GABRR3: variants seen among roughly 807,000 people sequenced by gnomAD.
The protein encoded by GABRR3 is gamma-aminobutyric acid receptor subunit rho-3.
GABRR3 carries 29 observed loss-of-function variants against 43.2 expected under a neutral mutation model. The observed-to-expected ratio is 0.67, with a 90% confidence interval of 0.50 to 0.92. The LOEUF (loss-of-function observed/expected upper bound fraction) is 0.92. Ranked by LOEUF, GABRR3 falls within the 40% of genes least tolerant of loss-of-function variation. The pLI, the probability that GABRR3 is intolerant of heterozygous loss-of-function variation, is 0.00. For synonymous variants in GABRR3, 206 were observed against 195.9 expected, an observed-to-expected ratio of 1.05 and a Z score of -0.43; for missense variants, 576 against 572.3, an observed-to-expected ratio of 1.01 and a Z score of -0.07.
rs1332549894 is a variant in GABRR3, at chr3:98,014,935, AAC to A, written c.307-2370_307-2369del. ...ACACAGAATCTAAATTTTAAATTTT[AAC>A]ACTCTGAAAATCACTATATAAGCTA... On this transcript the variant is annotated intron_variant, in intron 4 of 9. Coordinates refer to ENST00000621172, the Ensembl canonical transcript of GABRR3. Among the ~76,000 whole-genome samples the A allele has an allele frequency of 4.6e-5, 7 of 152,182 alleles. No individual in the cohort carries two copies. In the South Asian group the frequency reaches 8.3e-4, roughly 18 times the overall value.
chr3:97,999,405 G>A (rs1559775089), intron 8 of GABRR3: 1 of 152,134 alleles, frequency 6.6e-6, no homozygotes, highest in Non-Finnish European at 1.5e-5. Flanking sequence ...GAAAGACTCG[G>A]TTCTAAACAG....
In GABRR3 at chr3:97,993,064, A is replaced by G. The variant is rs376493639; in HGVS notation, c.908-16T>C. 31 of 1,574,772 alleles carry G rather than the reference A, an allele frequency of 2.0e-5. No individual in the cohort carries two copies. The African/African-American group carries it at 3.8e-4, about 19-fold the overall frequency. ...GTGGTGATTCCTGCCATTTGAGAATAGTGGCAAGCTCAGTGATATAGCCAT... is the reference window on the plus strand; with the variant it reads ...GTGGTGATTCCTGCCATTTGAGAATGGTGGCAAGCTCAGTGATATAGCCAT... On this transcript the variant is annotated splice_polypyrimidine_tract_variant and intron_variant, in intron 8 of 9. Coordinates refer to ENST00000621172, the Ensembl canonical transcript of GABRR3.
chr3:97,988,824 T>G (rs919174585), intron 9 of GABRR3, among the ~76,000 whole-genome samples: 6 of 148,644 alleles, frequency 4.0e-5, no homozygotes, highest in African/African-American at 1.5e-4. Context: ...TGGCGGTAAG[T>G]GGTGGTGGTG....
intron 4 of GABRR3, among the ~76,000 whole-genome samples, chr3:98,013,499 A>C (rs983192390): frequency 6.6e-6 from 1 of 152,122 alleles, no homozygotes; most frequent in African/African-American, 2.4e-5. Context: ...CTTACTTCTT[A>C]CTATTTCACA....
intron 7 of GABRR3, among the ~76,000 whole-genome samples, chr3:98,005,979 T>C (rs1003291024): frequency 6.6e-6 from 1 of 152,126 alleles, no homozygotes; most frequent in South Asian, 2.1e-4. Context: ...TAAATTATAC[T>C]TCACATATAC....
chr3:97,999,653 G>T (rs1215844519), intron 8 of GABRR3: 1 of 152,084 alleles, frequency 6.6e-6, no homozygotes, highest in East Asian at 1.9e-4. Context: ...CTAGCGGAGA[G>T]TATTGAAAGC....
intron 5 of GABRR3, among the ~76,000 whole-genome samples, chr3:98,011,021 A>G (rs1468560753): frequency 1.3e-5 from 2 of 151,956 alleles, no homozygotes; most frequent in Non-Finnish European, 2.9e-5. Flanking sequence ...AATCGCTTGA[A>G]CCCAGAAGGC....
chr3:98,019,404 T>G (rs1706910699), intron 3 of GABRR3, among the ~76,000 whole-genome samples: 1 of 152,172 alleles, frequency 6.6e-6, no homozygotes, highest in East Asian at 1.9e-4. Context: ...ATTCCCTTTT[T>G]TGGATCCTCA....
At chr3:98,015,349 C>A (rs190947834) in intron 4 of GABRR3, among the ~76,000 whole-genome samples, 1 of 152,268 alleles carries the variant, frequency 6.6e-6, no homozygotes, top group East Asian at 1.9e-4. Flanking sequence ...TGTGCCACCA[C>A]ACCCAGCTAA....
intron 4 of GABRR3, among the ~76,000 whole-genome samples, chr3:98,016,033 G>A (rs1051719901): frequency 6.6e-6 from 1 of 152,156 alleles, no homozygotes; most frequent in African/African-American, 2.4e-5. Context: ...CAGGGCAGCA[G>A]GAGAGAGAGC....
At chr3:98,033,069 G>A (rs1256294379) in intron 2 of GABRR3, among the ~76,000 whole-genome samples, 1 of 152,154 alleles carries the variant, frequency 6.6e-6, no homozygotes, top group Admixed American at 6.6e-5. Context: ...TTGAATGACA[G>A]CTCAGAAATT....
chr3:97,997,220 G>T (rs999145783), intron 8 of GABRR3, among the ~76,000 whole-genome samples: 1 of 152,016 alleles, frequency 6.6e-6, no homozygotes, highest in Non-Finnish European at 1.5e-5. Context: ...GAAGGCTTTC[G>T]GCCATGTAGA....
intron 8 of GABRR3, among the ~76,000 whole-genome samples, chr3:97,995,523 G>T (rs539452370): frequency 2.6e-5 from 4 of 151,640 alleles, no homozygotes; most frequent in Admixed American, 6.6e-5. Flanking sequence ...TCTTTAAAAG[G>T]GTGCTTAATC....
At chr3:98,026,595 G>T (rs574614008) in intron 2 of GABRR3, among the ~76,000 whole-genome samples, 3 of 62,228 alleles carry the variant, frequency 4.8e-5, no homozygotes, top group African/African-American at 8.4e-5. Flanking sequence ...TCCAGAAAAA[G>T]GTGGCTGTCA....
intron 7 of GABRR3, among the ~76,000 whole-genome samples, chr3:98,004,650 C>T (rs1365481406): frequency 1.3e-5 from 2 of 148,424 alleles, no homozygotes; most frequent in Non-Finnish European, 3.0e-5. Flanking sequence ...GATTTTTGAA[C>T]AGTGGCAACG....
exon 7 of GABRR3, chr3:98,007,794 A>C (rs778504595): frequency 1.3e-5 from 21 of 1,613,508 alleles, no homozygotes; most frequent in Non-Finnish European, 1.7e-5. Flanking sequence ...AATCCACTAG[A>C]TGCACTGAAG....
At chr3:97,994,683 T>C (rs753241244) in intron 8 of GABRR3, among the ~76,000 whole-genome samples, 1 of 152,232 alleles carries the variant, frequency 6.6e-6, no homozygotes. Flanking sequence ...AAAACCTGCT[T>C]GCTTTTATCA....
At position 98,012,380 on chromosome 3, in the gene GABRR3, C is replaced by T. The variant is rs564538143; in HGVS notation, c.494G>A (p.Arg165His). Residue 165 changes from arginine to histidine, a missense_variant, in exon 5 of 10, where the codon CGC becomes CAC. Physicochemically the swap from Arg to His is conservative, Grantham distance 29 (BLOSUM62 0). Transcript: ENST00000621172. ...GAGGACGTTTCCATCAGGGTGTACG[C>T]GCAGCATGATATTCTCCATAGTTGT... The T allele has an allele frequency of 8.9e-5, 144 of 1,613,852 alleles. 2 individuals are homozygous for T. The highest frequency in any genetic ancestry group is 7.4e-4 in the South Asian group (67 of 91,080).
intron 3 of GABRR3, among the ~76,000 whole-genome samples, chr3:98,020,843 G>T (rs1264624157): frequency 6.6e-6 from 1 of 150,986 alleles, no homozygotes; most frequent in East Asian, 1.9e-4. Flanking sequence ...GTGCCGTCTG[G>T]CCTCATTTCT....
Sources: gnomAD v4.1 joint callset for allele counts (sites outside exome capture counted in the v4.1 genomes callset) on GRCh38, gnomAD v4.1.1 for gene constraint, MANE v1.5 for transcripts, NCBI Gene and HGNC (gene_info 2026-07-23, HGNC 2026-07-21) for gene names.